Variants in CSRNP3 observed in about 807,000 individuals in gnomAD.
CSRNP3 encodes the protein cysteine/serine-rich nuclear protein 3.
A neutral mutation model predicts 48.0 loss-of-function variants in CSRNP3; 12 were observed. That is an observed-to-expected ratio of 0.25 (90% CI 0.16 to 0.41). The LOEUF is 0.41. Ranked by LOEUF, CSRNP3 falls within the 10% of genes least tolerant of loss-of-function variation. The pLI is 1.00. For missense variants in CSRNP3, 580 were observed against 724.4 expected, an observed-to-expected ratio of 0.80 and a Z score of 2.29; for synonymous variants, 263 against 269.7, an observed-to-expected ratio of 0.98 and a Z score of 0.24.
intron 4 of CSRNP3, among the ~76,000 whole-genome samples, chr2:165,628,278 A>G (rs1686472213): frequency 6.6e-6 from 1 of 152,176 alleles, no homozygotes; most frequent in African/African-American, 2.4e-5. Flanking sequence ...CTTTCTTGAT[A>G]CACCATTTTG....
intron 3 of CSRNP3, among the ~76,000 whole-genome samples, chr2:165,537,244 C>A (rs941982754): frequency 6.6e-6 from 1 of 150,738 alleles, no homozygotes; most frequent in African/African-American, 2.4e-5. Context: ...GGCACAGGGA[C>A]AAAGGAAGGG....
chr2:165,668,543 A>T (rs1687274479), intron 5 of CSRNP3, among the ~76,000 whole-genome samples: 1 of 151,670 alleles, frequency 6.6e-6, no homozygotes, highest in African/African-American at 2.4e-5. Flanking sequence ...CTGGGACTGC[A>T]GGTGCCTGCC....
chr2:165,571,146 G>C (rs1685367946), intron 3 of CSRNP3, among the ~76,000 whole-genome samples: 1 of 151,664 alleles, frequency 6.6e-6, no homozygotes, highest in African/African-American at 2.4e-5. Flanking sequence ...TTTAATTACT[G>C]AATTATTTAT....
At chr2:165,475,492 G>T (rs1055573617) in intron 1 of CSRNP3, among the ~76,000 whole-genome samples, 3 of 152,206 alleles carry the variant, frequency 2.0e-5, no homozygotes, top group Non-Finnish European at 4.4e-5. Flanking sequence ...GTGTGGTCAT[G>T]ACAGCCACTT....
chr2:165,535,914 A>T (rs1241312283), intron 3 of CSRNP3, among the ~76,000 whole-genome samples: 2 of 151,842 alleles, frequency 1.3e-5, no homozygotes, highest in Non-Finnish European at 2.9e-5. Flanking sequence ...GAAACACCAG[A>T]ATTATTAGGA....
At chr2:165,508,006 T>G (rs1684451666) in intron 2 of CSRNP3, among the ~76,000 whole-genome samples, 1 of 151,946 alleles carries the variant, frequency 6.6e-6, no homozygotes, top group South Asian at 2.1e-4. Context: ...ATGATAACAC[T>G]TAAGGTAGGT....
intron 3 of CSRNP3, among the ~76,000 whole-genome samples, chr2:165,568,129 C>T (rs531241369): frequency 3.3e-4 from 50 of 152,026 alleles, no homozygotes; most frequent in Non-Finnish European, 5.0e-4. Flanking sequence ...CCTCTCTCAC[C>T]GCCTTTATTT....
intron 3 of CSRNP3, among the ~76,000 whole-genome samples, chr2:165,592,883 G>A (rs1361236217): frequency 7.0e-6 from 1 of 142,656 alleles, no homozygotes; most frequent in African/African-American, 2.6e-5. Flanking sequence ...CTCACTGCAA[G>A]CTCCACCTCC....
chr2:165,608,813 A>G (rs1054025052), intron 4 of CSRNP3, among the ~76,000 whole-genome samples: 4 of 150,670 alleles, frequency 2.7e-5, no homozygotes, highest in Admixed American at 2.0e-4. Flanking sequence ...GTGCCTGGCC[A>G]GGTGCAGTGG....
rs1324486370 is a variant in CSRNP3, at chr2:165,681,799, ATGTATGTGTGTG to A, written c.*2050_*2061del. 3 of 129,428 alleles carry A rather than the reference ATGTATGTGTGTG, an allele frequency of 2.3e-5. No homozygotes were observed. Among genetic ancestry groups the A allele is most frequent in the East Asian group, 4.6e-4 (2 of 4,382 alleles). The allele number at this position is 129,428 out of a possible 1,614,324, so 8.0% of individuals were successfully genotyped here. On this transcript the variant is annotated 3_prime_UTR_variant, in exon 7 of 7. Transcript: ENST00000651982. ...CACATACACATATATATACACATAT[ATGTATGTGTGTG>A]TGTGTGTGTGTGTGTGTGTATATAT... is the stretch of plus-strand genomic sequence containing the variant.
intron 1 of CSRNP3, among the ~76,000 whole-genome samples, chr2:165,474,322 C>T (rs946680125): frequency 1.4e-4 from 21 of 152,010 alleles, no homozygotes; most frequent in Non-Finnish European, 2.4e-4. Flanking sequence ...GTACTACAGC[C>T]TCAAACTCCT....
chr2:165,665,589 C>T lies in CSRNP3; in HGVS notation c.408+7569C>T, dbSNP rs187470207. Among the ~76,000 whole-genome samples the T allele has an allele frequency of 4.6e-5, 7 of 152,082 alleles. No homozygotes were observed. In the East Asian group the frequency reaches 9.7e-4, roughly 21 times the overall value. ...CAGCCTGGGCAACATAGTGAGACCC[C>T]TTCTCTACAAAATAATTTAAAATTT... On this transcript the variant is annotated intron_variant, in intron 5 of 6. Coordinates refer to ENST00000651982, the MANE Select transcript of CSRNP3 (RefSeq NM_001172173.2).
At position 165,504,611 on chromosome 2, in the gene CSRNP3, C is replaced by T. The variant is rs535135575; in HGVS notation, c.-113+9683C>T. The stretch of plus-strand genomic sequence containing the variant: ...AATTCTGCATTAAATACAAGCAGTC[C>T]TTTAGTTCTTATCTATAGTATTATT... On this transcript the variant is annotated intron_variant, in intron 2 of 6. Transcript: ENST00000651982. 5.3e-5 allele frequency among the ~76,000 whole-genome samples: 8 copies of T among 152,108 alleles called. No individual in the cohort carries two copies. In the East Asian group the frequency reaches 1.3e-3, roughly 26 times the overall value.
intron 1 of CSRNP3, among the ~76,000 whole-genome samples, chr2:165,480,881 G>A (rs1406556013): frequency 1.4e-5 from 2 of 148,142 alleles, no homozygotes; most frequent in Non-Finnish European, 3.0e-5. Flanking sequence ...AGGTGCAGTG[G>A]CTCATACCTG....
intron 4 of CSRNP3, among the ~76,000 whole-genome samples, chr2:165,625,787 G>C (rs531935432): frequency 1.5e-4 from 22 of 151,024 alleles, no homozygotes; most frequent in Admixed American, 1.5e-3. Flanking sequence ...ACAAAAATTA[G>C]CCTGGTGCAG....
chr2:165,562,188 T>C (rs1187698849), intron 3 of CSRNP3, among the ~76,000 whole-genome samples: 2 of 152,216 alleles, frequency 1.3e-5, no homozygotes, highest in South Asian at 2.1e-4. Flanking sequence ...AAAGAGACTA[T>C]GTTAGATAAC....
At chr2:165,653,274 T>G (rs1161567052) in intron 4 of CSRNP3, among the ~76,000 whole-genome samples, 2 of 152,236 alleles carry the variant, frequency 1.3e-5, no homozygotes, top group African/African-American at 2.4e-5. Flanking sequence ...GAAGACTTCC[T>G]TTTAAATAGA....
Position 165,689,023 on chromosome 2 carries a change from T to A in CSRNP3, c.*9270T>A, listed in dbSNP as rs1171964985. On this transcript the variant is annotated 3_prime_UTR_variant, in exon 7 of 7. Coordinates refer to ENST00000651982, the MANE Select transcript of CSRNP3 (RefSeq NM_001172173.2). ...CATACAGTCATGTTACATTAAGATG[T>A]CATGTTGTATGTCACACAGTTTCTA... 6.6e-6 allele frequency: 1 copy of A among 152,124 alleles called. No homozygotes were observed. Among genetic ancestry groups the A allele is most frequent in the African/African-American group, 2.4e-5 (1 of 41,440 alleles). 9.4% of individuals were successfully genotyped at this position (152,124 alleles called of 1,614,324 possible).
At chr2:165,624,300 C>G (rs1470357617) in intron 4 of CSRNP3, among the ~76,000 whole-genome samples, 1 of 152,204 alleles carries the variant, frequency 6.6e-6, no homozygotes, top group Non-Finnish European at 1.5e-5. Context: ...ATGCACCCCA[C>G]ACTGGTTACA....
Sources: gnomAD v4.1 joint callset for allele counts (sites outside exome capture counted in the v4.1 genomes callset) on GRCh38, gnomAD v4.1.1 for gene constraint, MANE v1.5 for transcripts, NCBI Gene and HGNC (gene_info 2026-07-23, HGNC 2026-07-21) for gene names.